RERE: variants seen among roughly 807,000 people sequenced by gnomAD.
The protein encoded by RERE is arginine-glutamic acid dipeptide repeats.
RERE carries 40 observed loss-of-function variants against 146.1 expected under a neutral mutation model. That is an observed-to-expected ratio of 0.27 (90% confidence interval 0.21 to 0.36). The LOEUF (loss-of-function observed/expected upper bound fraction) is 0.36. Ranked by LOEUF, RERE falls within the 10% of genes least tolerant of loss-of-function variation. The pLI is 1.00. For synonymous variants in RERE, 1,003 were observed against 866.0 expected (o/e 1.16, Z -2.78); for missense variants, 1,933 against 2,138.7 (o/e 0.90, Z 1.90).
intron 11 of RERE, chr1:8,428,714 G>A (rs184815200): frequency 2.0e-4 from 30 of 152,238 alleles, no homozygotes; most frequent in African/African-American, 7.0e-4. Context: ...GATCTAGTCT[G>A]CTCCTATGTT....
At chr1:8,664,756 A>T (rs1290339845) in intron 1 of RERE, among the ~76,000 whole-genome samples, 1 of 151,836 alleles carries the variant, frequency 6.6e-6, no homozygotes, top group Non-Finnish European at 1.5e-5. Flanking sequence ...ACCTCCAAAC[A>T]CCTCCAACAT....
intron 12 of RERE, among the ~76,000 whole-genome samples, chr1:8,388,513 G>GT (rs1159239009): frequency 3.9e-4 from 60 of 152,142 alleles, no homozygotes; most frequent in Middle Eastern, 6.8e-3. Context: ...TAGAGACGGG[G>GT]TTTCACCTTG....
intron 11 of RERE, among the ~76,000 whole-genome samples, chr1:8,436,577 T>A (rs1295035105): frequency 6.6e-6 from 1 of 151,972 alleles, no homozygotes; most frequent in Non-Finnish European, 1.5e-5. Flanking sequence ...AAAGTAGAAA[T>A]CCTCCGTGAG....
chr1:8,637,215 A>G (rs1409728784), intron 2 of RERE, among the ~76,000 whole-genome samples: 1 of 152,168 alleles, frequency 6.6e-6, no homozygotes, highest in Non-Finnish European at 1.5e-5. Flanking sequence ...ACAAAGTCAC[A>G]ACTTCCTCCC....
intron 10 of RERE, among the ~76,000 whole-genome samples, chr1:8,470,218 A>G (rs1217670799): frequency 6.6e-6 from 1 of 152,172 alleles, no homozygotes; most frequent in Non-Finnish European, 1.5e-5. Flanking sequence ...ACAAAGACAC[A>G]TCTGAGAAGT....
chr1:8,754,213 T>C (rs2124520623), intron 1 of RERE, among the ~76,000 whole-genome samples: 1 of 151,972 alleles, frequency 6.6e-6, no homozygotes, highest in East Asian at 1.9e-4. Flanking sequence ...CCAATTCCTT[T>C]TTTTTTTTTT....
intron 7 of RERE, among the ~76,000 whole-genome samples, chr1:8,514,377 A>G (rs961261740): frequency 6.6e-6 from 1 of 152,208 alleles, no homozygotes; most frequent in Non-Finnish European, 1.5e-5. Context: ...CAAGACAATC[A>G]CTGTCTTTTG....
chr1:8,566,565 A>G (rs990269124), intron 4 of RERE, among the ~76,000 whole-genome samples: 1 of 151,862 alleles, frequency 6.6e-6, no homozygotes, highest in Non-Finnish European at 1.5e-5. Flanking sequence ...GTTGCAGTGA[A>G]CTGAGATGGC....
At chr1:8,578,347 T>C (rs1425401363) in intron 4 of RERE, among the ~76,000 whole-genome samples, 1 of 152,148 alleles carries the variant, frequency 6.6e-6, no homozygotes, top group African/African-American at 2.4e-5. Context: ...CACTGCACAC[T>C]CTGGTATTAT....
intron 12 of RERE, among the ~76,000 whole-genome samples, chr1:8,394,381 G>A (rs934882249): frequency 2.0e-5 from 3 of 152,100 alleles, no homozygotes; most frequent in Admixed American, 6.5e-5. Context: ...TTTGAAGTTC[G>A]ACAACTACAT....
At chr1:8,651,278 A>C (rs1014863459) in intron 2 of RERE, among the ~76,000 whole-genome samples, 10 of 151,420 alleles carry the variant, frequency 6.6e-5, no homozygotes, top group African/African-American at 2.4e-4. Context: ...GCCAGGTGTA[A>C]GCACACCTGT....
intron 1 of RERE, among the ~76,000 whole-genome samples, chr1:8,781,970 T>C (rs141766488): frequency 6.6e-6 from 1 of 152,314 alleles, no homozygotes; most frequent in African/African-American, 2.4e-5. Flanking sequence ...ATACCTGATT[T>C]TGAGGCAGCG....
chr1:8,355,396 T>C, intron 22 of RERE, 23 bp downstream of exon 22: 2 of 1,609,236 alleles, frequency 1.2e-6, no homozygotes, highest in Non-Finnish European at 1.7e-6. Context: ...ACCCCTCCAC[T>C]CCCTCCCAGC....
At chr1:8,746,398 G>A (rs1278525064) in intron 1 of RERE, among the ~76,000 whole-genome samples, 1 of 152,010 alleles carries the variant, frequency 6.6e-6, no homozygotes, top group Non-Finnish European at 1.5e-5. Context: ...ACTTGTTCAA[G>A]AATGGACCCA....
chr1:8,735,360 A>C (rs1336067998), intron 1 of RERE, among the ~76,000 whole-genome samples: 3 of 152,216 alleles, frequency 2.0e-5, no homozygotes, highest in African/African-American at 7.2e-5. Context: ...ACCCCCAGTC[A>C]TATCAGCTTC....
rs183149999 is a variant in RERE, at chr1:8,803,882, C to A, written c.-145+13278G>T. On this transcript the variant is annotated intron_variant, in intron 1 of 22. Coordinates refer to ENST00000400908, the MANE Select transcript of RERE (RefSeq NM_001042681.2). ...CAGCCAACTAAAGTTTCTGTAGCGT[C>A]AAAAGTGTTTAAGGATTCCACAAAG... Among the ~76,000 whole-genome samples the A allele has an allele frequency of 2.6e-5, 4 of 152,156 alleles. No individual in the cohort carries two copies. The East Asian group carries it at 7.7e-4, about 29-fold the overall frequency.
At chr1:8,744,620 C>T (rs1288228860) in intron 1 of RERE, among the ~76,000 whole-genome samples, 2 of 152,122 alleles carry the variant, frequency 1.3e-5, no homozygotes, top group South Asian at 2.1e-4. Context: ...ATCTAAATAG[C>T]TCATAATATG....
chr1:8,564,826 ATG>A (rs796133984), intron 4 of RERE, among the ~76,000 whole-genome samples: 2 of 117,838 alleles, frequency 1.7e-5, no homozygotes, highest in African/African-American at 3.5e-5. Flanking sequence ...GTGTGTGTAT[ATG>A]TGTATGTGTG....
intron 1 of RERE, among the ~76,000 whole-genome samples, chr1:8,765,299 TA>T (rs1156601098): frequency 6.6e-6 from 1 of 152,116 alleles, no homozygotes; most frequent in African/African-American, 2.4e-5. Flanking sequence ...GGCAAATCCA[TA>T]AAGACAGAAA....
Sources: gnomAD v4.1 joint callset for allele counts (sites outside exome capture counted in the v4.1 genomes callset) on GRCh38, gnomAD v4.1.1 for gene constraint, MANE v1.5 for transcripts, NCBI Gene and HGNC (gene_info 2026-07-23, HGNC 2026-07-21) for gene names.